ERC2: variants seen among roughly 807,000 people sequenced by gnomAD.
ERC2 encodes the protein ELKS/RAB6-interacting/CAST family member 2, also known as ERC protein 2.
ERC2 carries 42 observed loss-of-function variants against 114.8 expected under a neutral mutation model. The observed-to-expected ratio is 0.37, with a 90% CI of 0.29 to 0.47. The LOEUF (loss-of-function observed/expected upper bound fraction) is 0.47. Among genes scored for constraint, ERC2 ranks in the 20% least tolerant of loss-of-function variants. ERC2 has a pLI of 0.99. For missense variants in ERC2, 939 were observed against 1,150.7 expected (o/e 0.82, Z 2.66); for synonymous variants, 454 against 425.5 (o/e 1.07, Z -0.82).
intron 1 of ERC2, among the ~76,000 whole-genome samples, chr3:56,461,439 C>A (rs2063314807): frequency 6.6e-6 from 1 of 152,206 alleles, no homozygotes; most frequent in Non-Finnish European, 1.5e-5. Context: ...TCCATCTCAA[C>A]ACACATTTCC....
At chr3:56,051,496 T>G (rs1193774819) in intron 7 of ERC2, among the ~76,000 whole-genome samples, 1 of 152,072 alleles carries the variant, frequency 6.6e-6, no homozygotes, top group South Asian at 2.1e-4. Context: ...AAAGAAGAAG[T>G]GAAAAGTCGT....
intron 14 of ERC2, among the ~76,000 whole-genome samples, chr3:55,879,098 A>ATTTTTTTT (rs1553715235): frequency 1.2e-3 from 24 of 20,644 alleles, no homozygotes; most frequent in Admixed American, 1.3e-3. Context: ...TCTTTTTCTT[A>ATTTTTTTT]ATTTTTTTTT....
intron 7 of ERC2, among the ~76,000 whole-genome samples, chr3:56,044,753 G>C (rs7615948): frequency 1.3e-5 from 2 of 151,754 alleles, no homozygotes; most frequent in South Asian, 2.1e-4. Context: ...ATTAGGACGC[G>C]GTTCATTTTT....
intron 1 of ERC2, among the ~76,000 whole-genome samples, chr3:56,457,124 G>A (rs78871895): frequency 0.018 from 2,754 of 152,196 alleles, 38 homozygotes; most frequent in Middle Eastern, 0.041. Flanking sequence ...TATTTCCCTC[G>A]ATTAATCTAA....
At chr3:56,183,499 G>A (rs893866447) in intron 3 of ERC2, among the ~76,000 whole-genome samples, 1 of 152,166 alleles carries the variant, frequency 6.6e-6, no homozygotes, top group South Asian at 2.1e-4. Context: ...CCTTATGACT[G>A]TTTTTGCTCT....
At chr3:56,073,827 C>T (rs2076852012) in intron 7 of ERC2, among the ~76,000 whole-genome samples, 1 of 152,104 alleles carries the variant, frequency 6.6e-6, no homozygotes, top group Non-Finnish European at 1.5e-5. Context: ...GCAAACACGT[C>T]AATCCTTTAA....
intron 2 of ERC2, among the ~76,000 whole-genome samples, chr3:56,417,753 G>A (rs995702616): frequency 6.6e-6 from 1 of 152,172 alleles, no homozygotes; most frequent in Non-Finnish European, 1.5e-5. Flanking sequence ...CAGGAACCCA[G>A]AGGCAGGCTC....
intron 17 of ERC2, among the ~76,000 whole-genome samples, chr3:55,640,145 C>A (rs1219929890): frequency 6.6e-6 from 1 of 152,176 alleles, no homozygotes; most frequent in African/African-American, 2.4e-5. Context: ...GTTAGTGCAG[C>A]CACACCCTTG....
intron 7 of ERC2, among the ~76,000 whole-genome samples, chr3:56,030,558 T>C (rs757449565): frequency 7.2e-5 from 11 of 152,226 alleles, no homozygotes; most frequent in Non-Finnish European, 1.0e-4. Context: ...TTTATTATGA[T>C]ATAATGTTAC....
intron 17 of ERC2, among the ~76,000 whole-genome samples, chr3:55,529,593 G>A (rs1437131361): frequency 1.3e-5 from 2 of 152,086 alleles, no homozygotes; most frequent in African/African-American, 4.8e-5. Context: ...TAATCACCCT[G>A]AAAAAAATGG....
At chr3:56,159,105 T>G (rs559474903) in intron 4 of ERC2, among the ~76,000 whole-genome samples, 8 of 152,206 alleles carry the variant, frequency 5.3e-5, no homozygotes, top group Non-Finnish European at 1.2e-4. Flanking sequence ...CCCCACCTGT[T>G]TTGTGCTTTT....
chr3:55,973,797 T>C (rs547551668), intron 12 of ERC2, among the ~76,000 whole-genome samples: 1 of 152,236 alleles, frequency 6.6e-6, no homozygotes, highest in African/African-American at 2.4e-5. Context: ...TCCCCCAAAT[T>C]ACATTAAAAA....
At chr3:55,877,181 G>A (rs1333817517) in intron 14 of ERC2, among the ~76,000 whole-genome samples, 1 of 152,160 alleles carries the variant, frequency 6.6e-6, no homozygotes, top group Non-Finnish European at 1.5e-5. Flanking sequence ...TGTGTCATAG[G>A]ATATTTAGCA....
At chr3:55,627,949 C>T (rs1178164692) in intron 17 of ERC2, among the ~76,000 whole-genome samples, 2 of 137,180 alleles carry the variant, frequency 1.5e-5, no homozygotes, top group Non-Finnish European at 3.1e-5. Flanking sequence ...TGATTTAGTC[C>T]TTTTAGTGGT....
At chr3:56,346,498 C>T (rs1382308465) in intron 2 of ERC2, among the ~76,000 whole-genome samples, 2 of 152,088 alleles carry the variant, frequency 1.3e-5, no homozygotes, top group East Asian at 1.9e-4. Flanking sequence ...GTTTATGTGG[C>T]TCTGAAATCA....
In ERC2 at chr3:55,509,637, A is replaced by G. The variant is rs2051954493; in HGVS notation, c.*1679T>C. ...GTATCTTAACCGCGAATGCACCAAG[A>G]AAGAATGGTGCAACTCAGGGACGGT... On this transcript the variant is annotated 3_prime_UTR_variant, in exon 18 of 18. Coordinates refer to ENST00000288221, the MANE Select transcript of ERC2 (RefSeq NM_015576.3). 1 of 152,666 alleles carries G rather than the reference A, an allele frequency of 6.6e-6. No homozygotes were observed. The highest frequency in any genetic ancestry group is 6.5e-5 in the Admixed American group (1 of 15,284). 9.5% of individuals were successfully genotyped at this position (152,666 alleles called of 1,614,324 possible).
chr3:55,804,531 T>C (rs2059421301), intron 14 of ERC2, among the ~76,000 whole-genome samples: 1 of 152,278 alleles, frequency 6.6e-6, no homozygotes, highest in South Asian at 2.1e-4. Context: ...ATTTGCATTA[T>C]TTCCTTTAAT....
intron 7 of ERC2, among the ~76,000 whole-genome samples, chr3:56,066,148 T>C (rs1464226889): frequency 6.6e-6 from 1 of 152,226 alleles, no homozygotes; most frequent in East Asian, 1.9e-4. Context: ...GTTGAACTAA[T>C]TTACATTCCC....
At chr3:55,800,103 GCTTT>G (rs557378349) in intron 14 of ERC2, among the ~76,000 whole-genome samples, 2 of 152,144 alleles carry the variant, frequency 1.3e-5, no homozygotes, top group Non-Finnish European at 2.9e-5. Flanking sequence ...GGCTATAGCA[GCTTT>G]CTTTCTTTCT....
Sources: allele counts gnomAD v4.1 joint callset (sites outside exome capture counted in the v4.1 genomes callset), GRCh38; gene constraint gnomAD v4.1.1; transcripts MANE v1.5; gene names NCBI Gene and HGNC (gene_info 2026-07-23, HGNC 2026-07-21).